IMMP2L: variants seen among roughly 807,000 people sequenced by gnomAD.
IMMP2L encodes the protein mitochondrial inner membrane protease subunit 2.
A neutral mutation model predicts 19.3 loss-of-function variants in IMMP2L; 18 were observed. That is an observed-to-expected ratio of 0.93 (90% CI 0.64 to 1.38). The LOEUF (loss-of-function observed/expected upper bound fraction) is 1.38, where lower values mean the gene tolerates loss of function less well. Ranked by LOEUF, IMMP2L falls within the 40% of genes most tolerant of loss-of-function variation. The probability of loss-of-function intolerance (pLI) is 0.00; values close to 1 mark genes in which losing one functional copy is unlikely to be tolerated. For missense variants in IMMP2L, 233 were observed against 218.2 expected, an observed-to-expected ratio of 1.07 and a Z score of -0.43; for synonymous variants, 76 against 73.0, an observed-to-expected ratio of 1.04 and a Z score of -0.21.
chr7:111,227,057 T>C (rs537655556), intron 3 of IMMP2L, among the ~76,000 whole-genome samples: 1 of 152,120 alleles, frequency 6.6e-6, no homozygotes, highest in South Asian at 2.1e-4. Flanking sequence ...AGAGAAAGAA[T>C]GAAAACAAAT....
intron 3 of IMMP2L, among the ~76,000 whole-genome samples, chr7:111,051,847 A>T (rs1793034865): frequency 6.6e-6 from 1 of 152,230 alleles, no homozygotes; most frequent in Admixed American, 6.5e-5. Context: ...GTGATACTGT[A>T]AACCAAAAAT....
intron 3 of IMMP2L, among the ~76,000 whole-genome samples, chr7:111,482,842 TA>T (rs1179786442): frequency 6.6e-6 from 1 of 151,974 alleles, no homozygotes; most frequent in African/African-American, 2.4e-5. Context: ...CATCAAACAT[TA>T]AAGAGGCTGA....
At chr7:111,052,805 AAGAC>A (rs1793119856) in intron 3 of IMMP2L, among the ~76,000 whole-genome samples, 1 of 152,202 alleles carries the variant, frequency 6.6e-6, no homozygotes, top group Non-Finnish European at 1.5e-5. Flanking sequence ...GCCAAGAAAG[AAGAC>A]AGAGACTTTA....
chr7:110,886,765 A>T, intron 4 of IMMP2L, 70 bp from the exon 5 acceptor site: 3 of 725,036 alleles, frequency 4.1e-6, no homozygotes, highest in Non-Finnish European at 7.4e-6. Flanking sequence ...ATACAAACTT[A>T]GGAATGGTGA....
chr7:111,514,319 T>G (rs1267005210), intron 2 of IMMP2L, among the ~76,000 whole-genome samples: 1 of 151,738 alleles, frequency 6.6e-6, no homozygotes, highest in East Asian at 1.9e-4. Flanking sequence ...AACTGAACAA[T>G]GAGAACACTT....
intron 3 of IMMP2L, among the ~76,000 whole-genome samples, chr7:111,154,588 A>G (rs1804433867): frequency 6.6e-6 from 1 of 152,182 alleles, no homozygotes; most frequent in Admixed American, 6.5e-5. Context: ...AACTAACTAC[A>G]AGAAGGAATT....
chr7:110,742,087 TACA>T (rs1456721229), intron 5 of IMMP2L, among the ~76,000 whole-genome samples: 1 of 152,154 alleles, frequency 6.6e-6, no homozygotes, highest in Non-Finnish European at 1.5e-5. Flanking sequence ...CCTCAAGAAT[TACA>T]ACACTAGCAT....
Position 110,727,021 on chromosome 7 carries a change from G to A in IMMP2L, c.409-63300C>T, listed in dbSNP as rs1172504653. Among the ~76,000 whole-genome samples, 1 of 152,208 alleles carries A rather than the reference G, an allele frequency of 6.6e-6. No homozygotes were observed. Among genetic ancestry groups the A allele is most frequent in the Non-Finnish European group, 1.5e-5 (1 of 68,040 alleles). Reference sequence around the variant, plus strand: ...TGGCTTTATTAGCAAGAATGGAAATGCTTCCTTAGGCATTAAATAATTGCA... The same window carrying A: ...TGGCTTTATTAGCAAGAATGGAAATACTTCCTTAGGCATTAAATAATTGCA... On this transcript the variant is annotated intron_variant, in intron 5 of 5. Transcript: ENST00000405709. This position sits in a 1 kb window ranked among gnomAD's most constrained non-coding sequence, Gnocchi z 4.3.
At chr7:110,915,979 G>T (rs1428221287) in intron 4 of IMMP2L, among the ~76,000 whole-genome samples, 2 of 152,114 alleles carry the variant, frequency 1.3e-5, no homozygotes, top group African/African-American at 2.4e-5. Context: ...GTAAGGTTAA[G>T]TGTTTAACAC....
chr7:111,319,486 T>C (rs1824453123), intron 3 of IMMP2L, among the ~76,000 whole-genome samples: 2 of 152,022 alleles, frequency 1.3e-5, no homozygotes, highest in Admixed American at 6.6e-5. Flanking sequence ...GGGAAGAGAT[T>C]AGGGTAGAAA....
chr7:110,770,917 A>G (rs1306370308), intron 5 of IMMP2L, among the ~76,000 whole-genome samples: 1 of 152,132 alleles, frequency 6.6e-6, no homozygotes, highest in African/African-American at 2.4e-5. Flanking sequence ...TTGCTCCCAC[A>G]GAGCTGTGTT....
chr7:110,936,076 G>A (rs259019), intron 4 of IMMP2L, among the ~76,000 whole-genome samples: 47,674 of 151,966 alleles, frequency 0.31, 8,482 homozygotes, highest in East Asian at 0.62. Context: ...TTAAACGTAA[G>A]ACCTAAAACC....
intron 3 of IMMP2L, among the ~76,000 whole-genome samples, chr7:111,402,160 A>G (rs1238708974): frequency 6.8e-6 from 1 of 147,442 alleles, no homozygotes; most frequent in African/African-American, 2.5e-5. Context: ...TAATAATAAT[A>G]ATAATAATAA....
At chr7:110,963,204 T>C (rs1012480616) in intron 4 of IMMP2L, 3 of 788,884 alleles carry the variant, frequency 3.8e-6, no homozygotes, top group African/African-American at 1.8e-5. Context: ...AAAATAGTCA[T>C]GCTACTTTTA....
chr7:111,294,876 G>C (rs1406249128), intron 3 of IMMP2L, among the ~76,000 whole-genome samples: 1 of 151,460 alleles, frequency 6.6e-6, no homozygotes, highest in Admixed American at 6.6e-5. Flanking sequence ...GATTAGTATG[G>C]GTATTTCTTA....
intron 3 of IMMP2L, among the ~76,000 whole-genome samples, chr7:111,434,467 AT>A (rs943451470): frequency 9.9e-5 from 15 of 151,590 alleles, no homozygotes; most frequent in Admixed American, 4.6e-4. Flanking sequence ...AAAAAAAAAA[AT>A]AACCCCATTA....
At chr7:111,339,564 A>G (rs766650281) in intron 3 of IMMP2L, among the ~76,000 whole-genome samples, 7 of 151,966 alleles carry the variant, frequency 4.6e-5, no homozygotes, top group Non-Finnish European at 1.0e-4. Flanking sequence ...GAGTTTAACC[A>G]ATCAAAATTG....
chr7:110,703,649 A>G (rs952952203), intron 5 of IMMP2L, among the ~76,000 whole-genome samples: 1 of 152,196 alleles, frequency 6.6e-6, no homozygotes, highest in South Asian at 2.1e-4. Flanking sequence ...TGGGGAACAA[A>G]GAAATTCACA....
intron 3 of IMMP2L, among the ~76,000 whole-genome samples, chr7:111,033,104 A>T (rs1484127457): frequency 1.3e-5 from 2 of 152,210 alleles, no homozygotes; most frequent in African/African-American, 4.8e-5. Flanking sequence ...TGGGTGACAG[A>T]GCGAAACTCC....
Sources: gnomAD v4.1 joint callset for allele counts (sites outside exome capture counted in the v4.1 genomes callset) on GRCh38, gnomAD v4.1.1 for gene constraint, Gnocchi (gnomAD v3.1) non-coding constraint, MANE v1.5 for transcripts, NCBI Gene and HGNC (gene_info 2026-07-23, HGNC 2026-07-21) for gene names.